POLD1: variants seen among roughly 807,000 people sequenced by gnomAD.
POLD1 encodes DNA polymerase delta 1, catalytic subunit, also known as DNA polymerase delta catalytic subunit.
A neutral mutation model predicts 129.7 loss-of-function variants in POLD1; 79 were observed. That is an observed-to-expected ratio of 0.61 (90% CI 0.51 to 0.73). POLD1 has a LOEUF of 0.73. POLD1 is among the 30% of genes least tolerant of loss of function. The probability of loss-of-function intolerance (pLI) is 0.00; values close to 1 mark genes in which losing one functional copy is unlikely to be tolerated. For synonymous variants in POLD1, 714 were observed against 683.3 expected (o/e 1.04, Z -0.70); for missense variants, 1,338 against 1,595.8 (o/e 0.84, Z 2.75).
chr19:50,400,367 C>T (rs909075276), intron 3 of POLD1, among the ~76,000 whole-genome samples: 9 of 149,044 alleles, frequency 6.0e-5, no homozygotes, highest in African/African-American at 2.2e-4. Flanking sequence ...ATTACAGGCG[C>T]CCGCCATCAC....
rs746234949 is a variant in POLD1 at position 50,401,819 on chromosome 19, G to A, written c.358G>A (p.Gly120Ser). The A allele has an allele frequency of 5.0e-6, 8 of 1,613,458 alleles. No individual in the cohort carries two copies. Among genetic ancestry groups the A allele is most frequent in the Non-Finnish European group, 5.9e-6 (7 of 1,179,888 alleles). Residue 120 changes from glycine (G) to serine (S), a missense_variant, in exon 4 of 27, where the codon GGC becomes AGC. Physicochemically the swap from Gly to Ser is moderately conservative, Grantham distance 56 (BLOSUM62 0). Coordinates refer to ENST00000440232, the MANE Select transcript of POLD1 (RefSeq NM_002691.4). ...PVPGGPPPSRGSVPVLRAFGV... is the reference protein window; with the variant it reads ...PVPGGPPPSRSSVPVLRAFGV... ...GCCTGGGGGGCCCCCACCATCCCGC[G>A]GCTCCGTGCCTGTGCTCCGCGCCTT...
chr19:50,396,088 T>G (rs1239627365), intron 1 of POLD1, among the ~76,000 whole-genome samples: 1 of 141,166 alleles, frequency 7.1e-6, no homozygotes, highest in African/African-American at 3.0e-5. Context: ...TGGTGGTTTT[T>G]TTTTGTTTTT....
intron 1 of POLD1, among the ~76,000 whole-genome samples, chr19:50,397,447 C>T (rs1165714919): frequency 6.6e-6 from 1 of 150,646 alleles, no homozygotes. Context: ...CTCTGTGGCC[C>T]AGGATGGAGT....
intron 1 of POLD1, among the ~76,000 whole-genome samples, chr19:50,392,083 A>G (rs1568608182): frequency 6.6e-6 from 1 of 151,356 alleles, no homozygotes; most frequent in South Asian, 2.1e-4. Flanking sequence ...CAACTTTTTC[A>G]TTTTTTAAGA....
At chr19:50,407,227 C>T in intron 13 of POLD1, 53 bp downstream of exon 13, 4 of 1,557,660 alleles carry the variant, frequency 2.6e-6, no homozygotes, top group African/African-American at 1.4e-5. Flanking sequence ...GTCTGTGGCC[C>T]CCTCCAGGCA....
chr19:50,399,388 G>A lies in POLD1; in HGVS notation c.220G>A (p.Ala74Thr). 6.2e-7 allele frequency: 1 copy of A among 1,613,968 alleles called. No homozygotes were observed. The highest frequency in any genetic ancestry group is 8.5e-7 in the Non-Finnish European group (1 of 1,179,796). Residue 74 changes from alanine (A) to threonine (T), a missense_variant, in exon 3 of 27, where the codon GCC becomes ACC. By Grantham distance (58) the Ala-to-Thr change is moderately conservative (BLOSUM62 0). Transcript: ENST00000440232. Reference sequence around the variant, plus strand: ...CCCACCAGGGCAGGTCCCACCATCAGCCATAGATCCTCGCTGGCTTCGGCC... The same window carrying A: ...CCCACCAGGGCAGGTCCCACCATCAACCATAGATCCTCGCTGGCTTCGGCC... Reference protein sequence around the residue: ...GVADGQVPPSAIDPRWLRPTP... With the variant: ...GVADGQVPPSTIDPRWLRPTP...
At chr19:50,405,859 G>A (rs372668656) in intron 10 of POLD1, among the ~76,000 whole-genome samples, 16 of 152,218 alleles carry the variant, frequency 1.1e-4, no homozygotes, top group East Asian at 3.9e-4. Context: ...CCACCTGGCC[G>A]CCTGCTCACA....
chr19:50,392,989 A>G (rs1473688303), intron 1 of POLD1, among the ~76,000 whole-genome samples: 1 of 152,180 alleles, frequency 6.6e-6, no homozygotes, highest in Non-Finnish European at 1.5e-5. Context: ...ACATATTTAA[A>G]TAGCCCCCTG....
intron 23 of POLD1, 24 bp from the exon 24 acceptor site, chr19:50,416,586 C>T (rs2122494509): frequency 6.5e-7 from 1 of 1,548,850 alleles, no homozygotes; most frequent in East Asian, 2.4e-5. Flanking sequence ...ATCACCGGCC[C>T]ACCACCTGCC....
At position 50,409,469 on chromosome 19, in the gene POLD1, A is replaced by C. The variant is rs1374745648; in HGVS notation, c.2007-50A>C. ...CACTCACTTCCAGAAAGGAGCCCTG[A>C]CCAATGCCCAGGTGCCGCCTGAGTG... On this transcript the variant is annotated intron_variant, in intron 16 of 26. Coordinates refer to ENST00000440232, the MANE Select transcript of POLD1 (RefSeq NM_002691.4). This position sits in a 1 kb window ranked among gnomAD's most constrained non-coding sequence, Gnocchi z 5.8. 1 of 1,611,360 alleles carries C rather than the reference A, an allele frequency of 6.2e-7. No individual in the cohort carries two copies. Among genetic ancestry groups the C allele is most frequent in the Non-Finnish European group, 8.5e-7 (1 of 1,178,442 alleles).
intron 17 of POLD1, among the ~76,000 whole-genome samples, chr19:50,411,640 A>G (rs971739759): frequency 6.6e-6 from 1 of 152,216 alleles, no homozygotes; most frequent in Non-Finnish European, 1.5e-5. Context: ...GGAGTTCAAG[A>G]CCAGCCTGGC....
intron 17 of POLD1, among the ~76,000 whole-genome samples, chr19:50,412,621 T>C (rs2039124200): frequency 1.3e-5 from 2 of 152,196 alleles, no homozygotes. Flanking sequence ...CAAAATGCTC[T>C]AGTTAGACAG....
At position 50,401,908 on chromosome 19, in the gene POLD1, C is replaced by T. The variant is rs527915939; in HGVS notation, c.447C>T (p.Tyr149=). 48 of 1,613,990 alleles carry T rather than the reference C, an allele frequency of 3.0e-5. No individual in the cohort carries two copies. Among genetic ancestry groups the T allele is most frequent in the South Asian group, 1.6e-4 (15 of 91,090 alleles). ...TCCACGGCTTCGCTCCCTACTTCTA[C>T]ACCCCAGCGCCCCCTGGTGAGTGGC... The part of the protein sequence containing the change: ...CHIHGFAPYF[Y]TPAPPGFGPE... The change falls in exon 4 of 27, where the codon TAC becomes TAT. Residue 149 remains tyrosine, a synonymous_variant. Coordinates refer to ENST00000440232, the MANE Select transcript of POLD1 (RefSeq NM_002691.4).
intron 1 of POLD1, among the ~76,000 whole-genome samples, chr19:50,387,444 C>G (rs3219306): frequency 1.3e-5 from 2 of 152,056 alleles, no homozygotes; most frequent in Non-Finnish European, 2.9e-5. Context: ...ACCGAAGGGT[C>G]GTGAGAGGGG....
intron 24 of POLD1, 75 bp from the exon 25 acceptor site, chr19:50,416,970 T>A: frequency 7.0e-7 from 1 of 1,430,014 alleles, no homozygotes; most frequent in South Asian, 1.3e-5. Context: ...GAAGCTGGGA[T>A]TGGCAGTGGG....
intron 17 of POLD1, among the ~76,000 whole-genome samples, chr19:50,410,495 CA>C (rs1391826660): frequency 1.3e-5 from 2 of 152,142 alleles, no homozygotes; most frequent in Non-Finnish European, 2.9e-5. Context: ...CTGGGGGTCC[CA>C]AAGACCACTT....
intron 19 of POLD1, 67 bp downstream of exon 19, chr19:50,413,946 T>G: frequency 6.8e-7 from 1 of 1,472,200 alleles, no homozygotes. Context: ...TGTCCCGTTC[T>G]TTGGGTTCAC....
At chr19:50,405,802 T>C (rs2038854156) in intron 10 of POLD1, among the ~76,000 whole-genome samples, 1 of 152,088 alleles carries the variant, frequency 6.6e-6, no homozygotes, top group Non-Finnish European at 1.5e-5. Flanking sequence ...TCCAGCGCCC[T>C]CAGCATCCAT....
chr19:50,417,688 C>T lies in POLD1; in HGVS notation c.3219-154C>T, dbSNP rs796281117. On this transcript the variant is annotated intron_variant, in intron 26 of 26. Transcript: ENST00000440232. ...TTATCGGCTCCCCCCCCCCACCCCC[C>T]CCGTGCCTGCTGAGCAAACAGCCCG... Among the ~76,000 whole-genome samples the T allele has an allele frequency of 3.1e-4, 44 of 141,142 alleles. 1 individual carries two copies. Among genetic ancestry groups the T allele is most frequent in the African/African-American group, 1.1e-3 (38 of 33,728 alleles). 92.6% of individuals were successfully genotyped at this position (141,142 alleles called of 152,430 possible).
Sources: allele counts gnomAD v4.1 joint callset (sites outside exome capture counted in the v4.1 genomes callset), GRCh38; gene constraint gnomAD v4.1.1; non-coding constraint Gnocchi (gnomAD v3.1); transcripts MANE v1.5; gene names NCBI Gene and HGNC (gene_info 2026-07-23, HGNC 2026-07-21).